Variants in MAGI2 observed in about 807,000 individuals in gnomAD.
MAGI2 encodes the protein membrane associated guanylate kinase, WW and PDZ domain containing 2, also known as membrane-associated guanylate kinase, WW and PDZ domain-containing protein 2.
MAGI2 carries 35 observed loss-of-function variants against 133.3 expected under a neutral mutation model. The observed-to-expected ratio is 0.26, with a 90% confidence interval of 0.20 to 0.35. The LOEUF is 0.35. Ranked by LOEUF, MAGI2 falls within the 10% of genes least tolerant of loss-of-function variation. MAGI2 has a pLI of 1.00. For missense variants in MAGI2, 1,636 were observed against 1,863.4 expected (o/e 0.88, Z 2.25); for synonymous variants, 729 against 710.6 (o/e 1.03, Z -0.41).
At chr7:78,751,448 C>A (rs1823449954) in intron 2 of MAGI2, among the ~76,000 whole-genome samples, 2 of 152,178 alleles carry the variant, frequency 1.3e-5, no homozygotes, top group Admixed American at 6.5e-5. Context: ...GTCCAGCAAA[C>A]CTCACACGAA....
chr7:78,432,603 T>C (rs2151435130), intron 6 of MAGI2, among the ~76,000 whole-genome samples: 1 of 152,192 alleles, frequency 6.6e-6, no homozygotes, highest in East Asian at 1.9e-4. Context: ...AATTAATAGA[T>C]TTAATAATCA....
At chr7:78,630,859 A>G (rs931731285) in intron 2 of MAGI2, among the ~76,000 whole-genome samples, 7 of 152,250 alleles carry the variant, frequency 4.6e-5, no homozygotes, top group African/African-American at 1.4e-4. Flanking sequence ...AGTTTATCCT[A>G]TTGAAGAAAT....
intron 1 of MAGI2, among the ~76,000 whole-genome samples, chr7:79,297,007 A>AATT (rs142044701): frequency 0.99 from 151,383 of 152,276 alleles, 75,258 homozygotes; most frequent in East Asian, 1. Flanking sequence ...AAATATGTAC[A>AATT]ATTATGTGTC....
intron 1 of MAGI2, among the ~76,000 whole-genome samples, chr7:79,365,949 GA>G (rs113246725): frequency 0.15 from 20,750 of 139,544 alleles, 1,571 homozygotes; most frequent in South Asian, 0.25. Flanking sequence ...TAGGTTGAGT[GA>G]AAAAAAAAAA....
chr7:78,051,309 A>G (rs772325353), intron 21 of MAGI2, among the ~76,000 whole-genome samples: 26 of 152,236 alleles, frequency 1.7e-4, no homozygotes, highest in South Asian at 2.1e-4. Context: ...AACTGTCAAG[A>G]AAGTGTGTTA....
intron 2 of MAGI2, among the ~76,000 whole-genome samples, chr7:78,829,709 C>A (rs1337230395): frequency 6.6e-6 from 1 of 151,992 alleles, no homozygotes; most frequent in East Asian, 1.9e-4. Flanking sequence ...ATGATTGAAA[C>A]TACTAAATTT....
At chr7:79,449,898 A>ATATATATATATATAT (rs1392951061) in intron 1 of MAGI2, among the ~76,000 whole-genome samples, 6 of 141,116 alleles carry the variant, frequency 4.3e-5, no homozygotes, top group South Asian at 2.2e-4. Context: ...ATATATATAT[A>ATATATATATATATAT]ATGTCTTAAA....
At chr7:78,603,605 C>T (rs1047767647) in intron 3 of MAGI2, among the ~76,000 whole-genome samples, 2 of 152,172 alleles carry the variant, frequency 1.3e-5, no homozygotes, top group African/African-American at 4.8e-5. Context: ...TCACTGCAAC[C>T]TCTGCCTCCC....
chr7:78,261,902 T>C (rs1215868034), intron 9 of MAGI2, among the ~76,000 whole-genome samples: 2 of 152,168 alleles, frequency 1.3e-5, no homozygotes, highest in African/African-American at 4.8e-5. Context: ...AATTCTGACA[T>C]GTACTTTTGG....
intron 2 of MAGI2, among the ~76,000 whole-genome samples, chr7:78,670,859 T>C (rs2151071497): frequency 6.6e-6 from 1 of 152,306 alleles, no homozygotes; most frequent in South Asian, 2.1e-4. Context: ...TCTGTGAACA[T>C]TCTACTTTAT....
chr7:78,665,322 C>T (rs1813433840), intron 2 of MAGI2, among the ~76,000 whole-genome samples: 1 of 152,042 alleles, frequency 6.6e-6, no homozygotes, highest in South Asian at 2.1e-4. Context: ...AAATAGCTAA[C>T]ATATACATAT....
intron 3 of MAGI2, among the ~76,000 whole-genome samples, chr7:78,592,749 A>T (rs1241928369): frequency 3.3e-5 from 5 of 151,836 alleles, no homozygotes; most frequent in Non-Finnish European, 5.9e-5. Flanking sequence ...CTGGGAAAGC[A>T]GGCACACTGG....
intron 16 of MAGI2, among the ~76,000 whole-genome samples, chr7:78,154,826 A>C (rs142662682): frequency 7.2e-5 from 11 of 152,196 alleles, no homozygotes; most frequent in Non-Finnish European, 1.6e-4. Flanking sequence ...TGGACAATAA[A>C]ACCTGGATGT....
chr7:78,104,252 T>C (rs1396913856), intron 20 of MAGI2, among the ~76,000 whole-genome samples: 1 of 152,128 alleles, frequency 6.6e-6, no homozygotes, highest in African/African-American at 2.4e-5. Flanking sequence ...AGATGGAGTC[T>C]CGCTCTGTCA....
chr7:78,902,567 A>G (rs1223841510), intron 2 of MAGI2: 1 of 152,142 alleles, frequency 6.6e-6, no homozygotes, highest in Non-Finnish European at 1.5e-5. Context: ...TGAATTTAGA[A>G]CTCTTTTAGA....
intron 2 of MAGI2, among the ~76,000 whole-genome samples, chr7:78,722,643 C>T (rs184967692): frequency 5.9e-4 from 90 of 152,160 alleles, no homozygotes; most frequent in Non-Finnish European, 1.3e-4. Context: ...ACATCAGTCT[C>T]AGTGTGATAT....
intron 1 of MAGI2, among the ~76,000 whole-genome samples, chr7:79,445,767 A>G (rs1433637628): frequency 1.3e-5 from 2 of 152,212 alleles, no homozygotes; most frequent in Non-Finnish European, 2.9e-5. Flanking sequence ...GCAATTCCTC[A>G]GGGATCTAGA....
chr7:79,306,268 T>C (rs1475526236), intron 1 of MAGI2, among the ~76,000 whole-genome samples: 1 of 147,116 alleles, frequency 6.8e-6, no homozygotes, highest in East Asian at 2.0e-4. Flanking sequence ...TATTTATATA[T>C]ATTTTATTTA....
At chr7:79,023,163 G>A (rs993471529) in intron 1 of MAGI2, among the ~76,000 whole-genome samples, 1 of 131,334 alleles carries the variant, frequency 7.6e-6, no homozygotes, top group African/African-American at 2.7e-5. Context: ...TTATCCCTAG[G>A]ATGCAAGTTT....
Sources: gnomAD v4.1 joint callset for allele counts (sites outside exome capture counted in the v4.1 genomes callset) on GRCh38, gnomAD v4.1.1 for gene constraint, MANE v1.5 for transcripts, NCBI Gene and HGNC (gene_info 2026-07-23, HGNC 2026-07-21) for gene names.